Variants in DSCAM observed in about 807,000 individuals in gnomAD.
DSCAM encodes the protein DS cell adhesion molecule.
In DSCAM, 47 loss-of-function variants were observed where a neutral mutation model predicts 217.7. That is an observed-to-expected ratio of 0.22 (90% CI 0.17 to 0.28). The LOEUF is 0.28. Among genes scored for constraint, DSCAM ranks in the 10% least tolerant of loss-of-function variants. The pLI, the probability that DSCAM is intolerant of heterozygous loss-of-function variation, is 1.00. For missense variants in DSCAM, 2,080 were observed against 2,618.3 expected (o/e 0.79, Z 4.49); for synonymous variants, 1,056 against 1,015.3 (o/e 1.04, Z -0.76).
intron 11 of DSCAM, among the ~76,000 whole-genome samples, chr21:40,247,041 G>A (rs929017250): frequency 5.9e-5 from 9 of 152,090 alleles, no homozygotes; most frequent in Non-Finnish European, 1.0e-4. Context: ...AAGCAAAAGC[G>A]CAAATCCCTG....
At chr21:40,513,560 G>A (rs1205786315) in intron 3 of DSCAM, among the ~76,000 whole-genome samples, 1 of 152,130 alleles carries the variant, frequency 6.6e-6, no homozygotes, top group African/African-American at 2.4e-5. Context: ...CAGAGAAGGA[G>A]CAAGAGTGAT....
chr21:40,629,455 C>G (rs918421215), intron 3 of DSCAM: 1 of 152,192 alleles, frequency 6.6e-6, no homozygotes, highest in African/African-American at 2.4e-5. Flanking sequence ...ACCATTGAAG[C>G]CAGAACTGGC....
intron 3 of DSCAM, among the ~76,000 whole-genome samples, chr21:40,636,237 G>C (rs373754238): frequency 6.6e-6 from 1 of 152,008 alleles, no homozygotes; most frequent in African/African-American, 2.4e-5. Context: ...CGTGGTTCAC[G>C]GAGCCAAGAC....
At chr21:40,642,269 G>A (rs1019631275) in intron 3 of DSCAM, among the ~76,000 whole-genome samples, 8 of 152,114 alleles carry the variant, frequency 5.3e-5, no homozygotes, top group Non-Finnish European at 1.0e-4. Context: ...AGGGGCAGGT[G>A]CTAGTCTAAA....
intron 3 of DSCAM, among the ~76,000 whole-genome samples, chr21:40,532,889 TGTG>T (rs2076459643): frequency 6.6e-6 from 1 of 151,112 alleles, no homozygotes; most frequent in African/African-American, 2.4e-5. Flanking sequence ...TGTGTGTGTG[TGTG>T]TGTGTGTGTG....
At chr21:40,071,205 T>C (rs924683771) in intron 27 of DSCAM, among the ~76,000 whole-genome samples, 1 of 152,280 alleles carries the variant, frequency 6.6e-6, no homozygotes, top group Non-Finnish European at 1.5e-5. Flanking sequence ...CTTCAAAGGA[T>C]CTAGAAGTTC....
At chr21:40,443,169 G>A (rs945223451) in intron 3 of DSCAM, among the ~76,000 whole-genome samples, 6 of 152,304 alleles carry the variant, frequency 3.9e-5, no homozygotes, top group African/African-American at 1.2e-4. Context: ...GCTAATTTAT[G>A]TAATTCGCTT....
chr21:40,443,867 T>C (rs1463151937), intron 3 of DSCAM, among the ~76,000 whole-genome samples: 1 of 152,230 alleles, frequency 6.6e-6, no homozygotes, highest in Non-Finnish European at 1.5e-5. Flanking sequence ...ATCATATTTG[T>C]ATTCCTATCC....
intron 1 of DSCAM, among the ~76,000 whole-genome samples, chr21:40,812,749 G>A (rs766655887): frequency 2.6e-5 from 4 of 152,230 alleles, no homozygotes; most frequent in Non-Finnish European, 5.9e-5. Flanking sequence ...AATAAAGATA[G>A]AGGAGAGCCT....
chr21:40,827,483 A>AAAAAAAG (rs1569056712), intron 1 of DSCAM, among the ~76,000 whole-genome samples: 3 of 133,470 alleles, frequency 2.2e-5, no homozygotes, highest in Non-Finnish European at 3.2e-5. Flanking sequence ...AAAAAAAAAA[A>AAAAAAAG]AAAGAAAAGA....
intron 3 of DSCAM, among the ~76,000 whole-genome samples, chr21:40,676,107 T>A (rs1206335249): frequency 3.3e-5 from 5 of 152,210 alleles, no homozygotes; most frequent in African/African-American, 1.2e-4. Flanking sequence ...AGTTTCACCA[T>A]TTTTCTTGAA....
intron 5 of DSCAM, among the ~76,000 whole-genome samples, chr21:40,352,377 G>T (rs557004579): frequency 1.3e-5 from 2 of 152,248 alleles, no homozygotes; most frequent in Admixed American, 1.3e-4. Context: ...GTGTGACTGT[G>T]GATTTTATCA....
At chr21:40,369,417 TG>T in intron 3 of DSCAM, 172 bp from the exon 4 acceptor site, 1 of 566,780 alleles carries the variant, frequency 1.8e-6, no homozygotes, top group Non-Finnish European at 2.9e-6. Context: ...TGTGTGTGTG[TG>T]TGTCAATTAA....
chr21:40,241,010 T>A (rs2073145664), intron 11 of DSCAM, among the ~76,000 whole-genome samples: 1 of 152,194 alleles, frequency 6.6e-6, no homozygotes, highest in Non-Finnish European at 1.5e-5. Flanking sequence ...AAGATTTAAA[T>A]GTAAAACCCA....
intron 3 of DSCAM, among the ~76,000 whole-genome samples, chr21:40,380,956 G>C (rs951840106): frequency 1.3e-4 from 20 of 151,512 alleles, no homozygotes; most frequent in African/African-American, 4.6e-4. Context: ...CCAGCTGCTC[G>C]GGAGGCTGAG....
intron 8 of DSCAM, among the ~76,000 whole-genome samples, chr21:40,325,661 T>A (rs1227752557): frequency 6.6e-6 from 1 of 152,102 alleles, no homozygotes; most frequent in Non-Finnish European, 1.5e-5. Context: ...CTCAGACATC[T>A]CCTGAGAGTA....
intron 11 of DSCAM, among the ~76,000 whole-genome samples, chr21:40,207,079 CAAATAAAT>C (rs900834853): frequency 1.3e-5 from 2 of 150,988 alleles, no homozygotes; most frequent in African/African-American, 4.9e-5. Context: ...AACATGCAAA[CAAATAAAT>C]ATGGAAAACA....
At chr21:40,210,583 C>T (rs2091172159) in intron 11 of DSCAM, among the ~76,000 whole-genome samples, 2 of 152,198 alleles carry the variant, frequency 1.3e-5, no homozygotes, top group Non-Finnish European at 2.9e-5. Context: ...CTCGCTCTGT[C>T]ACCCAGGCTA....
At chr21:40,025,749 G>C (rs1418638354) in intron 32 of DSCAM, among the ~76,000 whole-genome samples, 2 of 150,040 alleles carry the variant, frequency 1.3e-5, no homozygotes, top group Non-Finnish European at 3.0e-5. Context: ...GCATCTATTT[G>C]ATTCTTCTCT....
Sources: allele counts gnomAD v4.1 joint callset (sites outside exome capture counted in the v4.1 genomes callset), GRCh38; gene constraint gnomAD v4.1.1; transcripts MANE v1.5; gene names NCBI Gene and HGNC (gene_info 2026-07-23, HGNC 2026-07-21).